The following CLCN1 variants were observed in gnomAD, a reference collection of about 807,000 sequenced individuals.
CLCN1 encodes the protein chloride voltage-gated channel 1.
A neutral mutation model predicts 114.5 loss-of-function variants in CLCN1; 100 were observed. That is an observed-to-expected ratio of 0.87 (90% confidence interval 0.74 to 1.03). The LOEUF is 1.03. Ranked by LOEUF, CLCN1 falls within the 50% of genes least tolerant of loss-of-function variation. The pLI, the probability that CLCN1 is intolerant of heterozygous loss-of-function variation, is 0.00. For synonymous variants in CLCN1, 485 were observed against 487.1 expected (o/e 1.00, Z 0.06); for missense variants, 1,188 against 1,250.0 (o/e 0.95, Z 0.75).
At position 143,344,725 on chromosome 7, in the gene CLCN1, T is replaced by C. The variant is rs1405825122; in HGVS notation, c.1931-796T>C. Among the ~76,000 whole-genome samples the C allele has an allele frequency of 3.3e-5, 5 of 150,222 alleles. No individual in the cohort carries two copies. The East Asian group carries it at 9.8e-4, about 29-fold the overall frequency. On this transcript the variant is annotated intron_variant, in intron 16 of 22. Coordinates refer to ENST00000343257, the MANE Select transcript of CLCN1 (RefSeq NM_000083.3). ...ATATAAAAGACCTTCTCAGGAAAAGTAGGCATTTTGATTTATCCTAGCAGG... is the reference window on the plus strand; with the variant it reads ...ATATAAAAGACCTTCTCAGGAAAAGCAGGCATTTTGATTTATCCTAGCAGG...
At chr7:143,318,953 A>G (rs1438484593) in intron 1 of CLCN1, among the ~76,000 whole-genome samples, 2 of 152,184 alleles carry the variant, frequency 1.3e-5, no homozygotes, top group African/African-American at 2.4e-5. Flanking sequence ...ATCCAGCAAC[A>G]TGGCCTGGCC....
intron 9 of CLCN1, 89 bp downstream of exon 9, chr7:143,331,405 G>T: frequency 8.6e-7 from 1 of 1,167,520 alleles, no homozygotes; most frequent in Non-Finnish European, 1.3e-6. Flanking sequence ...AAGAAGGTGC[G>T]GTTGGCACAG....
chr7:143,343,349 G>C (rs1386287377), intron 16 of CLCN1, among the ~76,000 whole-genome samples: 1 of 152,176 alleles, frequency 6.6e-6, no homozygotes, highest in Non-Finnish European at 1.5e-5. Context: ...AATGCAAAAA[G>C]GATGGCACTA....
chr7:143,339,552 C>T lies in CLCN1; in HGVS notation c.1513C>T (p.Leu505Phe). The change falls in exon 14 of 23, where the codon CTC becomes TTC. Residue 505 changes from leucine (L) to phenylalanine (F), a missense_variant. By Grantham distance (22) the Leu-to-Phe change is conservative (BLOSUM62 0). Coordinates refer to ENST00000343257, the MANE Select transcript of CLCN1 (RefSeq NM_000083.3). The surrounding 1 kb of genome is among the most constrained non-coding windows in gnomAD (Gnocchi z 4.1). ...GRLVGEIMAM[L>F]FPDGILFDDI... The stretch of plus-strand genomic sequence containing the variant: ...GCTGGTAGGAGAAATCATGGCCATG[C>T]TCTTTCCTGATGGTATTTTGTTTGA... 6.2e-7 allele frequency: 1 copy of T among 1,613,940 alleles called. No homozygotes were observed. Among genetic ancestry groups the T allele is most frequent in the Non-Finnish European group, 8.5e-7 (1 of 1,179,830 alleles).
rs536085871 is a variant in CLCN1 at position 143,335,449 on chromosome 7, T to G, written c.1401+2576T>G. On this transcript the variant is annotated intron_variant, in intron 12 of 22. Coordinates refer to ENST00000343257, the MANE Select transcript of CLCN1 (RefSeq NM_000083.3). Reference sequence around the variant, plus strand: ...CATTCACTGCTACAAATCTATGATATTCCCTGGTTATCACCACTTCCCAGC... The same window carrying G: ...CATTCACTGCTACAAATCTATGATAGTCCCTGGTTATCACCACTTCCCAGC... Among the ~76,000 whole-genome samples, 5 of 152,336 alleles carry G rather than the reference T, an allele frequency of 3.3e-5. No individual in the cohort carries two copies. In the East Asian group the frequency reaches 9.6e-4, roughly 29 times the overall value.
intron 10 of CLCN1, 56 bp from the exon 11 acceptor site, chr7:143,332,363 A>G: frequency 3.1e-6 from 4 of 1,271,196 alleles, no homozygotes; most frequent in Non-Finnish European, 4.6e-6. Context: ...ATCGTTCAGT[A>G]TGGTATTTAC....
chr7:143,347,436 C>T (rs891563799), intron 20 of CLCN1, among the ~76,000 whole-genome samples: 8 of 151,786 alleles, frequency 5.3e-5, no homozygotes, highest in African/African-American at 9.7e-5. Flanking sequence ...GCCTGGCCAA[C>T]GTGGTGAAAC....
chr7:143,331,594 C>T lies in CLCN1; in HGVS notation c.1108C>T (p.Arg370Cys), dbSNP rs1256013991. 1.7e-5 allele frequency: 28 copies of T among 1,613,994 alleles called. No homozygotes were observed. Among genetic ancestry groups the T allele is most frequent in the East Asian group, 6.7e-5 (3 of 44,888 alleles). Residue 370 changes from arginine to cysteine, a missense_variant, in exon 10 of 23, where the codon CGC (arginine) becomes TGC (cysteine). Physicochemically the swap from Arg to Cys is radical, Grantham distance 180. Coordinates refer to ENST00000343257, the MANE Select transcript of CLCN1 (RefSeq NM_000083.3). The stretch of plus-strand genomic sequence containing the variant: ...GGGAGCTGTATTTGTGTATCTGCAT[C>T]GCCAAGTCATGCTCGGTGTCCGAAA... ...LLGAVFVYLH[R>C]QVMLGVRKHK...
chr7:143,345,823 T>C, intron 17 of CLCN1, 61 bp downstream of exon 17: 1 of 1,566,026 alleles, frequency 6.4e-7, no homozygotes, highest in Admixed American at 1.8e-5. Flanking sequence ...AAAAGCGTCG[T>C]CTGGGCTGGG....
chr7:143,319,521 G>A (rs1245145183), intron 1 of CLCN1, among the ~76,000 whole-genome samples: 1 of 152,204 alleles, frequency 6.6e-6, no homozygotes, highest in African/African-American at 2.4e-5. Context: ...AGTACAGGTT[G>A]GAGAATGGGT....
At chr7:143,323,798 C>T (rs1317574276) in intron 6 of CLCN1, 4 of 476,922 alleles carry the variant, frequency 8.4e-6, no homozygotes, top group South Asian at 3.1e-5. Flanking sequence ...CCCCCTTGTC[C>T]CGCGTGCTTC....
intron 7 of CLCN1, among the ~76,000 whole-genome samples, chr7:143,328,632 A>C (rs1802639712): frequency 6.6e-6 from 1 of 152,206 alleles, no homozygotes; most frequent in African/African-American, 2.4e-5. Flanking sequence ...CAGGCAAATC[A>C]AAGCTGACTG....
At chr7:143,344,854 G>A (rs1430795426) in intron 16 of CLCN1, among the ~76,000 whole-genome samples, 1 of 150,770 alleles carries the variant, frequency 6.6e-6, no homozygotes, top group Non-Finnish European at 1.5e-5. Flanking sequence ...GGGTTCAAGC[G>A]ATTCTCCTGC....
intron 2 of CLCN1, 64 bp downstream of exon 2, chr7:143,319,939 CTT>C (rs1454548824): frequency 1.3e-6 from 2 of 1,573,726 alleles, no homozygotes; most frequent in Non-Finnish European, 1.7e-6. Flanking sequence ...AGGAGAATAA[CTT>C]GGGCATCCCA....
chr7:143,345,827 G>A, intron 17 of CLCN1, 65 bp downstream of exon 17: 2 of 1,546,948 alleles, frequency 1.3e-6, no homozygotes, highest in South Asian at 2.3e-5. Context: ...GCGTCGTCTG[G>A]GCTGGGCTGG....
chr7:143,342,180 G>C, intron 15 of CLCN1, 38 bp downstream of exon 15: 1 of 1,586,604 alleles, frequency 6.3e-7, no homozygotes, highest in Non-Finnish European at 8.7e-7. Context: ...AGATCTGATG[G>C]GGAGAGTGGG....
rs559179631 is a variant in CLCN1 at position 143,327,134 on chromosome 7, T to C, written c.853+2642T>C. ...GGTGGCAGGCACTTGTAGTCCCAGC[T>C]ACTTGGGAGGCTAAGGTGGAAGAAT... On this transcript the variant is annotated intron_variant, in intron 7 of 22. Coordinates refer to ENST00000343257, the MANE Select transcript of CLCN1 (RefSeq NM_000083.3). Among the ~76,000 whole-genome samples the C allele has an allele frequency of 9.9e-5, 15 of 152,028 alleles. No individual in the cohort carries two copies. The East Asian group carries it at 2.7e-3, about 27-fold the overall frequency.
intron 12 of CLCN1, among the ~76,000 whole-genome samples, chr7:143,333,528 T>C (rs1251894597): frequency 1.3e-5 from 2 of 152,208 alleles, no homozygotes; most frequent in Non-Finnish European, 2.9e-5. Context: ...ATTAACCAAA[T>C]TCCCCCACTT....
At chr7:143,320,550 CTT>C (rs983297368) in intron 2 of CLCN1, 112 bp from the exon 3 acceptor site, 40 of 844,464 alleles carry the variant, frequency 4.7e-5, no homozygotes, top group Middle Eastern at 3.8e-4. Flanking sequence ...TCGTTAGCTG[CTT>C]TTCTCTCTCT....
Sources: allele counts gnomAD v4.1 joint callset (sites outside exome capture counted in the v4.1 genomes callset), GRCh38; gene constraint gnomAD v4.1.1; non-coding constraint Gnocchi (gnomAD v3.1); transcripts MANE v1.5; gene names NCBI Gene and HGNC (gene_info 2026-07-23, HGNC 2026-07-21).